FHIT: variants seen among roughly 807,000 people sequenced by gnomAD.
The protein encoded by FHIT is bis(5'-adenosyl)-triphosphatase.
FHIT carries 19 observed loss-of-function variants against 17.9 expected under a neutral mutation model. The ratio of observed to expected loss-of-function variants is 1.06; its 90% CI spans 0.74 to 1.56. The LOEUF (loss-of-function observed/expected upper bound fraction) is 1.56, where lower values mean the gene tolerates loss of function less well. Ranked by LOEUF, FHIT falls within the 40% of genes most tolerant of loss-of-function variation. The pLI is 0.00. For missense variants in FHIT, 248 were observed against 189.2 expected (o/e 1.31, Z -1.82); for synonymous variants, 81 against 69.7 (o/e 1.16, Z -0.81).
chr3:60,417,760 C>G (rs1007760050), intron 5 of FHIT, among the ~76,000 whole-genome samples: 1 of 152,118 alleles, frequency 6.6e-6, no homozygotes, highest in East Asian at 1.9e-4. Flanking sequence ...AATACCCTGT[C>G]TCAGTTCATT....
At chr3:60,481,676 C>G (rs1038723811) in intron 5 of FHIT, among the ~76,000 whole-genome samples, 2 of 152,060 alleles carry the variant, frequency 1.3e-5, no homozygotes, top group Non-Finnish European at 2.9e-5. Context: ...CTGAAAGAAG[C>G]ACTAAATAAG....
At chr3:60,863,086 A>G (rs1283483795) in intron 3 of FHIT, among the ~76,000 whole-genome samples, 5 of 152,168 alleles carry the variant, frequency 3.3e-5, no homozygotes, top group African/African-American at 1.2e-4. Context: ...TGCAGGAGCT[A>G]TGCTGCAGAG....
chr3:61,137,103 T>C (rs1022621323), intron 2 of FHIT, among the ~76,000 whole-genome samples: 10 of 152,154 alleles, frequency 6.6e-5, no homozygotes, highest in Middle Eastern at 3.2e-3. Context: ...AATGAACTGA[T>C]AGCTTACAGG....
intron 4 of FHIT, among the ~76,000 whole-genome samples, chr3:60,706,238 T>A (rs1553703533): frequency 7.7e-6 from 1 of 130,558 alleles, no homozygotes; most frequent in East Asian, 2.2e-4. Flanking sequence ...CATCGGGGCC[T>A]GTTGGGGGTT....
intron 5 of FHIT, among the ~76,000 whole-genome samples, chr3:60,241,554 TG>T (rs1705130354): frequency 6.6e-6 from 1 of 152,124 alleles, no homozygotes; most frequent in South Asian, 2.1e-4. Flanking sequence ...TTGCTTTTTT[TG>T]TAAGGGTTGA....
rs144922647 is a variant in FHIT, at chr3:60,225,462, T to C, written c.104-211310A>G. Among the ~76,000 whole-genome samples, 399 of 152,230 alleles carry C rather than the reference T, an allele frequency of 2.6e-3. 1 individual carries two copies. Among genetic ancestry groups the C allele is most frequent in the African/African-American group, 9.1e-3 (379 of 41,542 alleles). On this transcript the variant is annotated intron_variant, in intron 5 of 9. Coordinates refer to ENST00000492590, the MANE Select transcript of FHIT (RefSeq NM_002012.4). ...AAGTTTAGAAACAGGGCTAAAGGAC[T>C]AGGAGGTATTATCTAGGTATAAATG...
intron 5 of FHIT, among the ~76,000 whole-genome samples, chr3:60,487,086 GGGTTTGATTGAATCGAATA>G (rs1382457552): frequency 6.6e-6 from 1 of 152,130 alleles, no homozygotes; most frequent in Non-Finnish European, 1.5e-5. Context: ...TGATCTCTTT[GGGTTTGATTGAATCGAATA>G]GTCATCACAA....
chr3:60,189,599 A>G (rs1702310480), intron 5 of FHIT, among the ~76,000 whole-genome samples: 1 of 152,194 alleles, frequency 6.6e-6, no homozygotes, highest in Non-Finnish European at 1.5e-5. Context: ...ATTGCAAGAC[A>G]TGGCTTGTAA....
intron 4 of FHIT, chr3:60,617,408 G>A (rs72889627): frequency 0.012 from 2,137 of 183,320 alleles, 57 homozygotes; most frequent in African/African-American, 0.047. Context: ...CAATAGTCTC[G>A]ATCTGAATAA....
intron 2 of FHIT, among the ~76,000 whole-genome samples, chr3:61,060,878 C>T (rs981999354): frequency 6.6e-6 from 1 of 152,220 alleles, no homozygotes; most frequent in African/African-American, 2.4e-5. Flanking sequence ...AGTTCCTTAG[C>T]TCAATTAAGT....
intron 3 of FHIT, among the ~76,000 whole-genome samples, chr3:60,929,135 G>A (rs1437792283): frequency 1.3e-5 from 2 of 152,170 alleles, no homozygotes; most frequent in Non-Finnish European, 2.9e-5. Flanking sequence ...CTCAATAGAT[G>A]CAGAAAAGAC....
chr3:61,009,107 C>A (rs1156860290), intron 3 of FHIT, among the ~76,000 whole-genome samples: 1 of 152,164 alleles, frequency 6.6e-6, no homozygotes, highest in African/African-American at 2.4e-5. Context: ...TTATTGGGCC[C>A]TCTGAAGAAT....
At chr3:60,507,068 G>A (rs1246185796) in intron 5 of FHIT, among the ~76,000 whole-genome samples, 1 of 152,130 alleles carries the variant, frequency 6.6e-6, no homozygotes, top group Non-Finnish European at 1.5e-5. Context: ...TAGCACATGT[G>A]AATTACAAAC....
intron 4 of FHIT, among the ~76,000 whole-genome samples, chr3:60,728,748 T>C (rs1337814689): frequency 2.0e-5 from 3 of 151,584 alleles, no homozygotes; most frequent in African/African-American, 7.3e-5. Context: ...ATGCAACAGT[T>C]GTCCTAAGGT....
rs751406340 is a variant in FHIT at position 60,014,092 on chromosome 3, A to C, written c.164T>G (p.Val55Gly). Reference sequence around the variant, plus strand: ...CTGGGTCGTCTGAAACAAATCGGCCACTTCATCAGGACGCAGGTCATGGAA... The same window carrying C: ...CTGGGTCGTCTGAAACAAATCGGCCCCTTCATCAGGACGCAGGTCATGGAA... ...ERFHDLRPDE[V>G]ADLFQTTQRV... The change falls in exon 6 of 10, where the codon GTG becomes GGG. Residue 55 changes from valine to glycine, a missense_variant. By Grantham distance (109) the Val-to-Gly change is moderately radical. Transcript: ENST00000492590. 1.2e-6 allele frequency: 2 copies of C among 1,614,044 alleles called. No individual in the cohort carries two copies. The highest frequency in any genetic ancestry group is 8.5e-7 in the Non-Finnish European group (1 of 1,179,960).
rs74789629 is a variant in FHIT, at chr3:60,347,993, A to G, written c.103+188867T>C. Among the ~76,000 whole-genome samples, 31 of 152,176 alleles carry G rather than the reference A, an allele frequency of 2.0e-4. No homozygotes were observed. In the East Asian group the frequency reaches 3.9e-3, roughly 19 times the overall value. ...AGGCTGGTCTCAAACTCCTCACCTC[A>G]GTTGATCCACCCTCCTTAGCCTCCC... On this transcript the variant is annotated intron_variant, in intron 5 of 9. Transcript: ENST00000492590.
intron 8 of FHIT, among the ~76,000 whole-genome samples, chr3:59,908,889 T>C (rs1427790093): frequency 1.7e-5 from 2 of 117,948 alleles, no homozygotes; most frequent in East Asian, 2.6e-4. Flanking sequence ...ATCATTGTTA[T>C]ACTTGGCACT....
At chr3:60,869,398 A>G (rs1553754519) in intron 3 of FHIT, among the ~76,000 whole-genome samples, 1 of 152,194 alleles carries the variant, frequency 6.6e-6, no homozygotes, top group African/African-American at 2.4e-5. Flanking sequence ...GCCGGGAACC[A>G]GAAGGTGGGC....
At chr3:61,191,511 C>A (rs2038715799) in intron 2 of FHIT, among the ~76,000 whole-genome samples, 1 of 152,184 alleles carries the variant, frequency 6.6e-6, no homozygotes, top group South Asian at 2.1e-4. Flanking sequence ...CAATACCTCA[C>A]AATAAGTAAA....
Sources: gnomAD v4.1 joint callset for allele counts (sites outside exome capture counted in the v4.1 genomes callset) on GRCh38, gnomAD v4.1.1 for gene constraint, MANE v1.5 for transcripts, NCBI Gene and HGNC (gene_info 2026-07-23, HGNC 2026-07-21) for gene names.